The following METTL15 variants were observed in gnomAD, a reference collection of about 807,000 sequenced individuals.
METTL15 encodes methyltransferase 15, mitochondrial 12S rRNA N4-cytidine, also known as 12S rRNA N(4)-cytidine methyltransferase METTL15.
A neutral mutation model predicts 38.3 loss-of-function variants in METTL15; 34 were observed. The ratio of observed to expected loss-of-function variants is 0.89; its 90% CI spans 0.68 to 1.18. The LOEUF (loss-of-function observed/expected upper bound fraction) is 1.18, where lower values mean the gene tolerates loss of function less well. METTL15 is among the 50% of genes most tolerant of loss of function. The pLI, the probability that METTL15 is intolerant of heterozygous loss-of-function variation, is 0.00. For synonymous variants in METTL15, 162 were observed against 170.9 expected, an observed-to-expected ratio of 0.95 and a Z score of 0.41; for missense variants, 438 against 498.4, an observed-to-expected ratio of 0.88 and a Z score of 1.15.
At chr11:28,512,721 A>T (rs942838584) in intron 6 of METTL15, among the ~76,000 whole-genome samples, 4 of 151,330 alleles carry the variant, frequency 2.6e-5, no homozygotes, top group African/African-American at 9.7e-5. Flanking sequence ...CTCCCTCCAC[A>T]CCCCCCTGCA....
intron 3 of METTL15, among the ~76,000 whole-genome samples, chr11:28,158,108 C>CAAAG (rs1266222442): frequency 6.6e-6 from 1 of 152,056 alleles, no homozygotes; most frequent in East Asian, 1.9e-4. Flanking sequence ...TGGTCCGGGA[C>CAAAG]TTGGAAGAAG....
intron 6 of METTL15, among the ~76,000 whole-genome samples, chr11:28,432,498 AG>A (rs1335081933): frequency 1.3e-5 from 2 of 152,190 alleles, no homozygotes; most frequent in African/African-American, 2.4e-5. Flanking sequence ...TGAAGGCAAG[AG>A]GGGCGAATGC....
chr11:28,398,742 T>C (rs1850599941), intron 5 of METTL15: 1 of 152,080 alleles, frequency 6.6e-6, no homozygotes. Context: ...ATGAAGTCTT[T>C]GCCCATGCCT....
chr11:28,343,230 ACTT>A (rs1353956999), intron 3 of METTL15, among the ~76,000 whole-genome samples: 3 of 150,382 alleles, frequency 2.0e-5, no homozygotes, highest in Admixed American at 6.6e-5. Flanking sequence ...AAAAAAAAAA[ACTT>A]ATAGTGAACA....
intron 3 of METTL15, among the ~76,000 whole-genome samples, chr11:28,207,838 G>T (rs1852426632): frequency 6.6e-6 from 1 of 152,148 alleles, no homozygotes. Context: ...TTAGTCTTGG[G>T]AGGGTGTATG....
chr11:28,508,416 C>G (rs1851647703), intron 6 of METTL15, among the ~76,000 whole-genome samples: 1 of 152,204 alleles, frequency 6.6e-6, no homozygotes, highest in Admixed American at 6.5e-5. Context: ...TCCATCATTT[C>G]TATTTTAGAA....
At chr11:28,376,642 G>T (rs370308313) in intron 5 of METTL15, among the ~76,000 whole-genome samples, 1 of 151,932 alleles carries the variant, frequency 6.6e-6, no homozygotes, top group Non-Finnish European at 1.5e-5. Context: ...TTTAATTGGA[G>T]CATTTAGTCA....
chr11:28,313,069 G>A lies in METTL15; in HGVS notation c.778+16138G>A, dbSNP rs1857363523. ...GTATCACTGAGTAATAGAAAAATAA[G>A]TTAGTTTTGGAGTTATACAAAAACC... On this transcript the variant is annotated intron_variant, in intron 6 of 6. Transcript: ENST00000407364. Among the ~76,000 whole-genome samples the A allele has an allele frequency of 2.6e-5, 4 of 151,684 alleles. No individual in the cohort carries two copies. In the South Asian group the frequency reaches 8.3e-4, roughly 32 times the overall value.
intron 3 of METTL15, among the ~76,000 whole-genome samples, chr11:28,196,673 CT>C (rs953666125): frequency 7.8e-4 from 113 of 144,738 alleles, no homozygotes; most frequent in African/African-American, 8.1e-4. Flanking sequence ...TTAAGAAAGA[CT>C]TTTTTTTTTT....
chr11:28,124,769 C>G (rs1382591921), intron 3 of METTL15, among the ~76,000 whole-genome samples: 1 of 152,042 alleles, frequency 6.6e-6, no homozygotes, highest in African/African-American at 2.4e-5. Context: ...TAATATTACT[C>G]TTAACTTTGT....
chr11:28,329,514 T>TA (rs1221836919), intron 6 of METTL15, among the ~76,000 whole-genome samples: 1 of 152,192 alleles, frequency 6.6e-6, no homozygotes, highest in African/African-American at 2.4e-5. Flanking sequence ...TGATAGGGAT[T>TA]ATATTAAATC....
At chr11:28,177,961 T>C (rs1851137836) in intron 3 of METTL15, among the ~76,000 whole-genome samples, 1 of 152,012 alleles carries the variant, frequency 6.6e-6, no homozygotes, top group South Asian at 2.1e-4. Context: ...ACAGTTACTC[T>C]TATTATATTA....
At chr11:28,446,296 T>C (rs1283623157) in intron 6 of METTL15, among the ~76,000 whole-genome samples, 2 of 152,114 alleles carry the variant, frequency 1.3e-5, no homozygotes, top group East Asian at 3.9e-4. Flanking sequence ...CTCTTCTAGA[T>C]GTGCCAGTCT....
At chr11:28,465,573 CT>C (rs1851250420) in intron 6 of METTL15, among the ~76,000 whole-genome samples, 1 of 152,152 alleles carries the variant, frequency 6.6e-6, no homozygotes, top group South Asian at 2.1e-4. Flanking sequence ...TGCATCCTAT[CT>C]TTTCTTTTTA....
intron 3 of METTL15, among the ~76,000 whole-genome samples, chr11:28,162,243 C>T (rs1398406363): frequency 6.6e-6 from 1 of 151,914 alleles, no homozygotes; most frequent in Non-Finnish European, 1.5e-5. Context: ...TTGAGGAGCT[C>T]ATTAATTTTG....
chr11:28,113,271 A>AT (rs757432334), intron 2 of METTL15, 47 bp from the exon 3 acceptor site: 36 of 1,306,672 alleles, frequency 2.8e-5, no homozygotes, highest in Non-Finnish European at 3.8e-5. Context: ...GTATTAGAAC[A>AT]TTCTTTTAAA....
At chr11:28,326,208 C>A (rs1849629649) in intron 6 of METTL15, among the ~76,000 whole-genome samples, 1 of 151,954 alleles carries the variant, frequency 6.6e-6, no homozygotes, top group African/African-American at 2.4e-5. Flanking sequence ...GGGCGGGGAC[C>A]ATTTTTCTGT....
intron 3 of METTL15, among the ~76,000 whole-genome samples, chr11:28,157,016 A>AT (rs1490077867): frequency 6.6e-6 from 1 of 152,114 alleles, no homozygotes; most frequent in Non-Finnish European, 1.5e-5. Flanking sequence ...TAAACTCTTT[A>AT]TTTTTTTATT....
chr11:28,457,040 T>C (rs1851174885), intron 6 of METTL15, among the ~76,000 whole-genome samples: 1 of 152,210 alleles, frequency 6.6e-6, no homozygotes, highest in African/African-American at 2.4e-5. Context: ...TTTTATGCCA[T>C]TGAATTTGGG....
Sources: gnomAD v4.1 joint callset for allele counts (sites outside exome capture counted in the v4.1 genomes callset) on GRCh38, gnomAD v4.1.1 for gene constraint, MANE v1.5 for transcripts, NCBI Gene and HGNC (gene_info 2026-07-23, HGNC 2026-07-21) for gene names.